Variants in UNC13C observed in about 807,000 individuals in gnomAD.
The protein encoded by UNC13C is protein unc-13 homolog C.
A neutral mutation model predicts 245.4 loss-of-function variants in UNC13C; 174 were observed. The observed-to-expected ratio is 0.71, with a 90% CI of 0.63 to 0.80. The LOEUF (loss-of-function observed/expected upper bound fraction) is 0.80, where lower values mean the gene tolerates loss of function less well. UNC13C is among the 30% of genes least tolerant of loss of function. The pLI is 0.00. For synonymous variants in UNC13C, 992 were observed against 895.1 expected (o/e 1.11, Z -1.93); for missense variants, 2,829 against 2,602.9 (o/e 1.09, Z -1.89).
intron 24 of UNC13C, among the ~76,000 whole-genome samples, chr15:54,517,055 G>T (rs918096651): frequency 4.6e-5 from 7 of 151,918 alleles, no homozygotes; most frequent in African/African-American, 1.7e-4. Flanking sequence ...TAAGATTCTG[G>T]CCTTTATGCT....
intron 7 of UNC13C, among the ~76,000 whole-genome samples, chr15:54,246,125 A>G (rs8039248): frequency 0.34 from 52,425 of 152,018 alleles, 10,156 homozygotes; most frequent in African/African-American, 0.52. Context: ...TTCAGGTAGT[A>G]ATCAATAGAA....
At chr15:54,093,142 A>G (rs1441333398) in intron 2 of UNC13C, among the ~76,000 whole-genome samples, 1 of 151,862 alleles carries the variant, frequency 6.6e-6, no homozygotes, top group Non-Finnish European at 1.5e-5. Flanking sequence ...TTATGCTGCT[A>G]TTATTCATCC....
At chr15:53,865,868 A>G in the UNC13C span, among the ~76,000 whole-genome samples, 9 of 152,182 alleles carry the variant, frequency 5.9e-5, no homozygotes, top group African/African-American at 2.2e-4. Context: ...TGACTGTGAA[A>G]TATTCACATA....
chr15:54,628,696 A>ATTG (rs1566949993), downstream of UNC13C: 5 of 152,424 alleles, frequency 3.3e-5, no homozygotes, highest in African/African-American at 1.2e-4. Context: ...GACCATATGT[A>ATTG]ATAGTCTTCA....
the UNC13C span, among the ~76,000 whole-genome samples, chr15:53,957,531 C>G: frequency 2.0e-5 from 3 of 152,158 alleles, no homozygotes; most frequent in Non-Finnish European, 4.4e-5. Context: ...TAAAAAATCT[C>G]ACAACATCGT....
intron 4 of UNC13C, among the ~76,000 whole-genome samples, chr15:54,199,496 G>A (rs2034455217): frequency 6.6e-6 from 1 of 152,102 alleles, no homozygotes; most frequent in South Asian, 2.1e-4. Flanking sequence ...AGATTTCTCA[G>A]CAGAGATCCT....
Position 54,599,975 on chromosome 15 carries a change from T to C in UNC13C, c.6107-22352T>C, listed in dbSNP as rs145233978. ...GAAAGATTAACTTCTTCTCTTGCTTTTGTAGTAATTGTTTTGAATACTTTT... is the reference window on the plus strand; with the variant it reads ...GAAAGATTAACTTCTTCTCTTGCTTCTGTAGTAATTGTTTTGAATACTTTT... On this transcript the variant is annotated intron_variant, in intron 30 of 32. Coordinates refer to ENST00000260323, the MANE Select transcript of UNC13C (RefSeq NM_001080534.3). Among the ~76,000 whole-genome samples the C allele has an allele frequency of 1.1e-3, 172 of 152,304 alleles. 2 individuals carry two copies. The highest frequency in any genetic ancestry group is 3.8e-3 in the African/African-American group (158 of 41,582).
chr15:54,145,746 T>A (rs143062444), intron 4 of UNC13C, among the ~76,000 whole-genome samples: 1 of 152,248 alleles, frequency 6.6e-6, no homozygotes, highest in East Asian at 1.9e-4. Flanking sequence ...TATGATGTTA[T>A]AGATTCTGCA....
intron 10 of UNC13C, among the ~76,000 whole-genome samples, chr15:54,268,156 T>A (rs958154135): frequency 6.6e-6 from 1 of 152,004 alleles, no homozygotes; most frequent in African/African-American, 2.4e-5. Context: ...TTTTTCTTAT[T>A]TTTTTCTTCT....
chr15:54,547,721 TGA>T (rs1166497344), intron 27 of UNC13C, among the ~76,000 whole-genome samples: 2 of 152,196 alleles, frequency 1.3e-5, no homozygotes, highest in African/African-American at 4.8e-5. Context: ...TAAATTACTT[TGA>T]GTTTCGCTTA....
chr15:54,209,119 C>G (rs980882298), intron 4 of UNC13C, among the ~76,000 whole-genome samples: 19 of 152,120 alleles, frequency 1.2e-4, no homozygotes, highest in Admixed American at 1.2e-3. Context: ...CTCCTCCTCC[C>G]ACTCTACTGT....
At chr15:54,407,213 G>A (rs1378273607) in intron 18 of UNC13C, among the ~76,000 whole-genome samples, 8 of 152,158 alleles carry the variant, frequency 5.3e-5, no homozygotes. Context: ...AGGGAAAATA[G>A]AGGCAAAGGC....
At chr15:54,462,172 G>A (rs1379970885) in intron 19 of UNC13C, among the ~76,000 whole-genome samples, 1 of 152,178 alleles carries the variant, frequency 6.6e-6, no homozygotes. Flanking sequence ...GTATATAAAA[G>A]AGAGACTACA....
intron 1 of UNC13C, among the ~76,000 whole-genome samples, chr15:53,986,699 C>A (rs970357267): frequency 6.6e-6 from 1 of 152,050 alleles, no homozygotes; most frequent in Non-Finnish European, 1.5e-5. Context: ...AGTTCAGTCA[C>A]ATATTGCCTC....
At chr15:54,266,239 G>T (rs1015322462) in intron 10 of UNC13C, among the ~76,000 whole-genome samples, 11 of 151,942 alleles carry the variant, frequency 7.2e-5, no homozygotes, top group African/African-American at 2.4e-4. Flanking sequence ...GCAATATTGT[G>T]TAAGAAGTAG....
intron 30 of UNC13C, among the ~76,000 whole-genome samples, chr15:54,572,784 G>C (rs992249796): frequency 6.6e-6 from 1 of 152,002 alleles, no homozygotes. Flanking sequence ...AAACTGCATT[G>C]AATCATTATT....
chr15:53,887,054 A>C, the UNC13C span, among the ~76,000 whole-genome samples: 1 of 152,198 alleles, frequency 6.6e-6, no homozygotes, highest in African/African-American at 2.4e-5. Flanking sequence ...GAACAGAAAA[A>C]GGACACTTGG....
At chr15:54,136,105 G>C (rs2031716086) in intron 2 of UNC13C, among the ~76,000 whole-genome samples, 1 of 152,008 alleles carries the variant, frequency 6.6e-6, no homozygotes, top group Non-Finnish European at 1.5e-5. Flanking sequence ...TTATATGTAA[G>C]TATTTAACAT....
intron 14 of UNC13C, among the ~76,000 whole-genome samples, chr15:54,329,882 C>T (rs1051172970): frequency 6.6e-6 from 1 of 151,994 alleles, no homozygotes; most frequent in African/African-American, 2.4e-5. Flanking sequence ...CTCCATGAAA[C>T]AGAAACTCAT....
Sources: gnomAD v4.1 joint callset for allele counts (sites outside exome capture counted in the v4.1 genomes callset) on GRCh38, gnomAD v4.1.1 for gene constraint, MANE v1.5 for transcripts, NCBI Gene and HGNC (gene_info 2026-07-23, HGNC 2026-07-21) for gene names.